Variants in OSTC observed in about 807,000 individuals in gnomAD.
OSTC encodes oligosaccharyltransferase complex subunit OSTC.
OSTC carries 16 observed loss-of-function variants against 16.4 expected under a neutral mutation model. That is an observed-to-expected ratio of 0.98 (90% CI 0.66 to 1.49). The LOEUF (loss-of-function observed/expected upper bound fraction) is 1.49. Ranked by LOEUF, OSTC falls within the 40% of genes most tolerant of loss-of-function variation. OSTC has a pLI of 0.00. For synonymous variants in OSTC, 67 were observed against 68.5 expected (o/e 0.98, Z 0.11); for missense variants, 139 against 186.3 (o/e 0.75, Z 1.48).
At chr4:108,653,108 A>T (rs1726599599) in intron 1 of OSTC, among the ~76,000 whole-genome samples, 1 of 152,100 alleles carries the variant, frequency 6.6e-6, no homozygotes, top group Admixed American at 6.6e-5. Flanking sequence ...AGTAGCTGGG[A>T]CTATGGTGCA....
intron 3 of OSTC, among the ~76,000 whole-genome samples, chr4:108,662,687 G>A (rs971650364): frequency 1.3e-5 from 2 of 152,180 alleles, no homozygotes; most frequent in Non-Finnish European, 2.9e-5. Flanking sequence ...CTGGCTGAAG[G>A]AGAGCTTAAT....
chr4:108,650,976 C>A, intron 1 of OSTC, 182 bp downstream of exon 1: 1 of 804,004 alleles, frequency 1.2e-6, no homozygotes, highest in Non-Finnish European at 1.9e-6. Flanking sequence ...CGCCTTCACG[C>A]CCTGTCTTAA....
At chr4:108,662,677 C>T (rs1167084389) in intron 3 of OSTC, among the ~76,000 whole-genome samples, 1 of 152,138 alleles carries the variant, frequency 6.6e-6, no homozygotes, top group East Asian at 1.9e-4. Context: ...TAAATCAGTT[C>T]TGGCTGAAGG....
chr4:108,657,421 C>A, intron 2 of OSTC, 29 bp from the exon 3 acceptor site: 2 of 1,557,140 alleles, frequency 1.3e-6, no homozygotes, highest in Non-Finnish European at 1.8e-6. Context: ...TATTTGTTAT[C>A]TTTCTATGGT....
intron 3 of OSTC, among the ~76,000 whole-genome samples, chr4:108,658,425 T>TTGTGTG (rs77284877): frequency 0.6 from 90,546 of 149,864 alleles, 27,446 homozygotes; most frequent in East Asian, 0.89. Flanking sequence ...ATTTATATAT[T>TTGTGTG]TGTGTGTGTG....
At chr4:108,662,093 T>A (rs1349114829) in intron 3 of OSTC, among the ~76,000 whole-genome samples, 1 of 152,202 alleles carries the variant, frequency 6.6e-6, no homozygotes, top group Non-Finnish European at 1.5e-5. Flanking sequence ...CTGCCTTATT[T>A]CAGCTGGCAA....
At chr4:108,660,264 T>G (rs1217996635) in intron 3 of OSTC, among the ~76,000 whole-genome samples, 1 of 152,210 alleles carries the variant, frequency 6.6e-6, no homozygotes, top group Non-Finnish European at 1.5e-5. Flanking sequence ...AATTGCTATT[T>G]TCTGTATCTT....
Position 108,657,422 on chromosome 4 carries a change from T to C in OSTC, c.234-28T>C, listed in dbSNP as rs753749612. The C allele has an allele frequency of 1.9e-6, 3 of 1,563,378 alleles. No homozygotes were observed. In the African/African-American group the frequency reaches 4.1e-5, roughly 21 times the overall value. On this transcript the variant is annotated intron_variant, in intron 2 of 3. Coordinates refer to ENST00000361564, the MANE Select transcript of OSTC (RefSeq NM_021227.4). ...AAGGGAAACATTTCTATTTGTTATC[T>C]TTCTATGGTCATTCTTTTCTTTTCC...
At chr4:108,661,328 A>G (rs1182303139) in intron 3 of OSTC, among the ~76,000 whole-genome samples, 1 of 152,198 alleles carries the variant, frequency 6.6e-6, no homozygotes, top group African/African-American at 2.4e-5. Flanking sequence ...TTATTAGTAC[A>G]GTCTCAAAGG....
chr4:108,658,190 C>T (rs1447071981), intron 3 of OSTC, among the ~76,000 whole-genome samples: 1 of 151,974 alleles, frequency 6.6e-6, no homozygotes, highest in Non-Finnish European at 1.5e-5. Context: ...CCTCGGCCTT[C>T]CAAAGTGCTG....
intron 1 of OSTC, among the ~76,000 whole-genome samples, chr4:108,652,969 GT>G (rs1380515614): frequency 2.6e-5 from 4 of 152,136 alleles, no homozygotes; most frequent in Non-Finnish European, 5.9e-5. Flanking sequence ...TACCCGGGAG[GT>G]GAAGGTTGCA....
intron 3 of OSTC, among the ~76,000 whole-genome samples, chr4:108,666,566 C>T (rs1727006950): frequency 6.6e-6 from 1 of 151,996 alleles, no homozygotes; most frequent in Non-Finnish European, 1.5e-5. Flanking sequence ...AAAAAGTTAG[C>T]TGGGCGTGGT....
Position 108,650,602 on chromosome 4 carries a change from T to G in OSTC, c.-54T>G. On this transcript the variant is annotated 5_prime_UTR_variant, in exon 1 of 4. Transcript: ENST00000361564. The stretch of plus-strand genomic sequence containing the variant: ...GCACTTGTTAGGGAGGGCGGGCCTG[T>G]TTCCGGGAGGCGCGTGGGGCTTGAG... The G allele has an allele frequency of 2.5e-6, 4 of 1,604,526 alleles. No individual in the cohort carries two copies. In the East Asian group the frequency reaches 8.9e-5, roughly 36 times the overall value.
intron 1 of OSTC, among the ~76,000 whole-genome samples, chr4:108,653,803 G>A (rs1177604771): frequency 6.6e-6 from 1 of 152,190 alleles, no homozygotes. Flanking sequence ...ATGAGACATT[G>A]AAGAGTATAG....
At position 108,660,210 on chromosome 4, in the gene OSTC, T is replaced by C. The variant is rs1726821134; in HGVS notation, c.431+2563T>C. On this transcript the variant is annotated intron_variant, in intron 3 of 3. Transcript: ENST00000361564. ...ATACTTTCTGGGTTTCGGTTGTAGATTATGTTTAGATCTAATCAAAACAGG... is the reference window on the plus strand; with the variant it reads ...ATACTTTCTGGGTTTCGGTTGTAGACTATGTTTAGATCTAATCAAAACAGG... Among the ~76,000 whole-genome samples, 3 of 152,214 alleles carry C rather than the reference T, an allele frequency of 2.0e-5. No individual in the cohort carries two copies. The South Asian group carries it at 6.2e-4, about 32-fold the overall frequency.
chr4:108,651,807 A>T (rs1726558282), intron 1 of OSTC, among the ~76,000 whole-genome samples: 1 of 152,226 alleles, frequency 6.6e-6, no homozygotes, highest in Admixed American at 6.5e-5. Flanking sequence ...TGTTATTTTC[A>T]TAGATGTTTT....
At chr4:108,663,084 G>A (rs1726898172) in intron 3 of OSTC, 1 of 398,290 alleles carries the variant, frequency 2.5e-6, no homozygotes, top group Admixed American at 2.9e-5. Context: ...GAGAAGGTGT[G>A]CTCTCAATCA....
At chr4:108,658,425 T>TTTTGTG (rs139808647) in intron 3 of OSTC, among the ~76,000 whole-genome samples, 4 of 149,936 alleles carry the variant, frequency 2.7e-5, no homozygotes, top group Non-Finnish European at 5.9e-5. Flanking sequence ...ATTTATATAT[T>TTTTGTG]TGTGTGTGTG....
rs1466026123 is a variant in OSTC, at chr4:108,657,377, G to A, written c.234-73G>A. ...CACAAAAATGTTTTGGCACAAAAACGGAAATAGGAATTTCAATTTAAGGGA... is the reference window on the plus strand; with the variant it reads ...CACAAAAATGTTTTGGCACAAAAACAGAAATAGGAATTTCAATTTAAGGGA... On this transcript the variant is annotated intron_variant, in intron 2 of 3. Coordinates refer to ENST00000361564, the MANE Select transcript of OSTC (RefSeq NM_021227.4). 21 of 1,366,396 alleles carry A rather than the reference G, an allele frequency of 1.5e-5. No homozygotes were observed. The East Asian group carries it at 1.9e-4, about 12-fold the overall frequency. The allele number at this position is 1,366,396 out of a possible 1,614,324, so 84.6% of individuals were successfully genotyped here.
Sources: gnomAD v4.1 joint callset for allele counts (sites outside exome capture counted in the v4.1 genomes callset) on GRCh38, gnomAD v4.1.1 for gene constraint, MANE v1.5 for transcripts, NCBI Gene and HGNC (gene_info 2026-07-23, HGNC 2026-07-21) for gene names.